Variants in KAZN observed in about 807,000 individuals in gnomAD.
KAZN encodes the protein kazrin, periplakin interacting protein, also known as kazrin.
In KAZN, 40 loss-of-function variants were observed where a neutral mutation model predicts 87.4. The ratio of observed to expected loss-of-function variants is 0.46; its 90% CI spans 0.36 to 0.60. The LOEUF is 0.60. Ranked by LOEUF, KAZN falls within the 20% of genes least tolerant of loss-of-function variation. The pLI is 0.00. For missense variants in KAZN, 898 were observed against 1,073.9 expected (o/e 0.84, Z 2.29); for synonymous variants, 466 against 458.3 (o/e 1.02, Z -0.22).
intron 1 of KAZN, among the ~76,000 whole-genome samples, chr1:14,782,065 T>A (rs1361094503): frequency 6.6e-6 from 1 of 152,200 alleles, no homozygotes; most frequent in Non-Finnish European, 1.5e-5. Context: ...TTTGTAAAGG[T>A]TTACAATAGT....
At chr1:14,201,027 T>G (rs1646628911) in intron 2 of KAZN, among the ~76,000 whole-genome samples, 1 of 152,168 alleles carries the variant, frequency 6.6e-6, no homozygotes. Context: ...TGGCCTCTCC[T>G]GGTGCATGGC....
In KAZN at chr1:15,053,358, C is replaced by CT. The variant is rs566510109; in HGVS notation, c.727-2731dup. Among the ~76,000 whole-genome samples, 23 of 152,320 alleles carry CT rather than the reference C, an allele frequency of 1.5e-4. No homozygotes were observed. In the South Asian group the frequency reaches 4.6e-3, roughly 30 times the overall value. On this transcript the variant is annotated intron_variant, in intron 4 of 14. Coordinates refer to ENST00000376030, the MANE Select transcript of KAZN (RefSeq NM_201628.3). ...GTACAGAGGCTCGAGACACACCCAG[C>CT]TTCACTCCTTCCTTAAACAAAAAAG...
chr1:14,371,349 C>T (rs1660469358), intron 2 of KAZN, among the ~76,000 whole-genome samples: 1 of 152,164 alleles, frequency 6.6e-6, no homozygotes, highest in African/African-American at 2.4e-5. Flanking sequence ...TAACTACATG[C>T]TTAATCCCCT....
intron 1 of KAZN, among the ~76,000 whole-genome samples, chr1:14,149,386 CG>C (rs1645426347): frequency 6.6e-6 from 1 of 151,968 alleles, no homozygotes; most frequent in Admixed American, 6.6e-5. Flanking sequence ...GGATTACAGG[CG>C]TGAGCCACCA....
At chr1:14,484,353 A>G (rs1669238126) in intron 2 of KAZN, among the ~76,000 whole-genome samples, 1 of 152,204 alleles carries the variant, frequency 6.6e-6, no homozygotes, top group Non-Finnish European at 1.5e-5. Flanking sequence ...AAGTGTTTAC[A>G]CCACCAAAAA....
chr1:15,113,399 T>G (rs1641724351), intron 14 of KAZN: 1 of 151,888 alleles, frequency 6.6e-6, no homozygotes, highest in African/African-American at 2.4e-5. Flanking sequence ...AGGGGTGCAA[T>G]TAGGAAAAAA....
chr1:15,037,613 C>T (rs1436697842), intron 3 of KAZN, among the ~76,000 whole-genome samples: 1 of 121,480 alleles, frequency 8.2e-6, no homozygotes, highest in Non-Finnish European at 1.6e-5. Context: ...ATTATTATTG[C>T]TTTCGGGGAT....
chr1:14,550,903 A>C (rs1673477308), intron 2 of KAZN, among the ~76,000 whole-genome samples: 2 of 148,924 alleles, frequency 1.3e-5, no homozygotes, highest in Admixed American at 6.7e-5. Flanking sequence ...CCCCATCCCC[A>C]GCTCTCTCCC....
intron 1 of KAZN, among the ~76,000 whole-genome samples, chr1:14,956,077 T>C (rs1173596920): frequency 6.6e-6 from 1 of 152,216 alleles, no homozygotes; most frequent in Non-Finnish European, 1.5e-5. Flanking sequence ...TACTTTGTTT[T>C]GTTTTGCTTA....
In KAZN at chr1:15,047,856, C is replaced by G. The variant is rs147484885; in HGVS notation, c.726+3697C>G. On this transcript the variant is annotated intron_variant, in intron 4 of 14. Coordinates refer to ENST00000376030, the MANE Select transcript of KAZN (RefSeq NM_201628.3). ...CTCAGCAGCCCCTGCAGCTGGGGGA[C>G]GAACATGTCCCTTTTGTCTTCTGAT... is the stretch of plus-strand genomic sequence containing the variant. Among the ~76,000 whole-genome samples, 892 of 152,254 alleles carry G rather than the reference C, an allele frequency of 5.9e-3. 6 individuals carry two copies. The highest frequency in any genetic ancestry group is 0.042 in the South Asian group (204 of 4,828).
chr1:15,044,250 C>T, intron 4 of KAZN, 91 bp downstream of exon 4: 2 of 571,788 alleles, frequency 3.5e-6, no homozygotes, highest in South Asian at 6.2e-5. Context: ...ACATCGGAGA[C>T]CTAGGGTGGG....
At chr1:14,805,326 C>T (rs1395332598) in intron 1 of KAZN, among the ~76,000 whole-genome samples, 1 of 152,126 alleles carries the variant, frequency 6.6e-6, no homozygotes, top group East Asian at 1.9e-4. Context: ...CCCTTTGCAG[C>T]CCACAGCAGG....
chr1:14,419,893 G>A (rs944910510), intron 2 of KAZN, among the ~76,000 whole-genome samples: 9 of 152,240 alleles, frequency 5.9e-5, no homozygotes, highest in South Asian at 2.1e-4. Flanking sequence ...AGACCCCAAA[G>A]AGCGAGCAAC....
In KAZN at chr1:14,923,093, C is replaced by A. The variant is rs1193399190; in HGVS notation, c.227-37591C>A. On this transcript the variant is annotated intron_variant, in intron 1 of 14. Coordinates refer to ENST00000376030, the MANE Select transcript of KAZN (RefSeq NM_201628.3). The surrounding 1 kb of genome is among the most constrained non-coding windows in gnomAD (Gnocchi z 4.2). ...AAATTTGCACATCTCAGGCCTGGGC[C>A]AGTGGGAGCCTCAGATTATAGAGCC... Among the ~76,000 whole-genome samples the A allele has an allele frequency of 6.6e-6, 1 of 152,188 alleles. No homozygotes were observed. Among genetic ancestry groups the A allele is most frequent in the Admixed American group, 6.5e-5 (1 of 15,278 alleles).
At chr1:13,906,277 A>G (rs1463946859) in intron 1 of KAZN, among the ~76,000 whole-genome samples, 1 of 152,178 alleles carries the variant, frequency 6.6e-6, no homozygotes, top group Non-Finnish European at 1.5e-5. Context: ...TTGTATTTTC[A>G]AATGTTTTAT....
chr1:14,403,906 G>A (rs1030179137), intron 2 of KAZN, among the ~76,000 whole-genome samples: 4 of 142,756 alleles, frequency 2.8e-5, no homozygotes, highest in African/African-American at 1.1e-4. Flanking sequence ...AAGTTTAATA[G>A]GCAAAAGAAA....
At chr1:14,295,903 C>T (rs1654075947) in intron 2 of KAZN, among the ~76,000 whole-genome samples, 1 of 152,150 alleles carries the variant, frequency 6.6e-6, no homozygotes, top group Non-Finnish European at 1.5e-5. Flanking sequence ...AACAGATACT[C>T]CATGCATAGG....
intron 1 of KAZN, among the ~76,000 whole-genome samples, chr1:14,800,379 T>C (rs1192985187): frequency 6.6e-6 from 1 of 152,186 alleles, no homozygotes; most frequent in African/African-American, 2.4e-5. Flanking sequence ...GGTCAATCCA[T>C]GCAATCAAAT....
intron 1 of KAZN, among the ~76,000 whole-genome samples, chr1:14,644,392 C>T (rs1174405709): frequency 2.0e-5 from 3 of 149,778 alleles, no homozygotes; most frequent in Non-Finnish European, 4.4e-5. Flanking sequence ...GACTGAGTCT[C>T]GCTCTGTCAC....
Sources: gnomAD v4.1 joint callset for allele counts (sites outside exome capture counted in the v4.1 genomes callset) on GRCh38, gnomAD v4.1.1 for gene constraint, Gnocchi (gnomAD v3.1) non-coding constraint, MANE v1.5 for transcripts, NCBI Gene and HGNC (gene_info 2026-07-23, HGNC 2026-07-21) for gene names.